HDC: variants seen among roughly 807,000 people sequenced by gnomAD.
HDC encodes histidine decarboxylase.
Under a neutral mutation model 64.4 loss-of-function variants are expected in HDC, and 27 were observed. The observed-to-expected ratio is 0.42, with a 90% CI of 0.31 to 0.58. The LOEUF (loss-of-function observed/expected upper bound fraction) is 0.58. Among genes scored for constraint, HDC ranks in the 20% least tolerant of loss-of-function variants. HDC has a pLI of 0.16. For missense variants in HDC, 711 were observed against 833.9 expected (o/e 0.85, Z 1.81); for synonymous variants, 305 against 314.2 (o/e 0.97, Z 0.31).
In HDC at chr15:50,257,396, G is replaced by C. The variant is rs201123509; in HGVS notation, c.441+29C>G. On this transcript the variant is annotated intron_variant, in intron 4 of 11. Coordinates refer to ENST00000267845, the MANE Select transcript of HDC (RefSeq NM_002112.4). The stretch of plus-strand genomic sequence containing the variant: ...TTGTCTTTCGCTACTTAGCCCCCAA[G>C]CTAGGTGAAGCTTTGCCAAGGGAGG... 2.7e-4 allele frequency: 437 copies of C among 1,614,042 alleles called. 1 individual carries two copies. Among genetic ancestry groups the C allele is most frequent in the Non-Finnish European group, 3.4e-4 (401 of 1,179,936 alleles).
rs1304079673 is a variant in HDC, at chr15:50,248,394, T to C, written c.1042-51A>G. The C allele has an allele frequency of 2.3e-6, 3 of 1,294,720 alleles. No individual in the cohort carries two copies. The highest frequency in any genetic ancestry group is 3.4e-6 in the Non-Finnish European group (3 of 893,634). 80.2% of individuals were successfully genotyped at this position (1,294,720 alleles called of 1,614,324 possible). On this transcript the variant is annotated intron_variant, in intron 9 of 11. Transcript: ENST00000267845. The surrounding 1 kb of genome is among the most constrained non-coding windows in gnomAD (Gnocchi z 4.3). ...AAGGTTAGAGACAAGGGTGCCCCAC[T>C]CCCTCGGGCATTTCTGGGCATTATC...
Position 50,257,420 on chromosome 15 carries a change from G to C in HDC, c.441+5C>G. ...AGCTAGGTGAAGCTTTGCCAAGGGA[G>C]GTACCTGCAGGACGCCTCCGCCCTG... is the stretch of plus-strand genomic sequence containing the variant. On this transcript the variant is annotated splice_donor_5th_base_variant and intron_variant, in intron 4 of 11. Transcript: ENST00000267845. The C allele has an allele frequency of 6.2e-7, 1 of 1,614,194 alleles. No homozygotes were observed. The highest frequency in any genetic ancestry group is 1.1e-5 in the South Asian group (1 of 91,082).
At chr15:50,255,758 C>T (rs1476684556) in intron 4 of HDC, among the ~76,000 whole-genome samples, 3 of 152,156 alleles carry the variant, frequency 2.0e-5, no homozygotes, top group Admixed American at 6.5e-5. Context: ...CATGATGGCT[C>T]CACTGCACTC....
Position 50,252,487 on chromosome 15 carries a change from GA to G in HDC, c.983del (p.Phe328SerfsTer3). The G allele has an allele frequency of 6.2e-7, 1 of 1,614,214 alleles. No individual in the cohort carries two copies. Among genetic ancestry groups the G allele is most frequent in the Non-Finnish European group, 8.5e-7 (1 of 1,180,036 alleles). ...GCCTGAGGTAGATGGGATTCACACT[GA>G]AGGTCTGCTGCAGCTTGTACTTGTC... ...VKDKYKLQQTFSVNPIYLRHA... is the reference protein window; with the variant it reads ...VKDKYKLQQTXSVNPIYLRHA... On this transcript the variant is annotated frameshift_variant, in exon 9 of 12. Transcript: ENST00000267845. LOFTEE classifies it high-confidence loss of function.
Position 50,265,686 on chromosome 15 carries a change from G to A in HDC, c.-63C>T, listed in dbSNP as rs1595714199. ...GCAGGAGGTGGAAGGCGTGAAAGGC[G>A]TGGAGCAGCCCGGCTTCCCTCTTGC... On this transcript the variant is annotated 5_prime_UTR_variant, in exon 1 of 12. In the 5' UTR this introduces an upstream ATG that the reference lacks. Transcript: ENST00000267845. 7 of 1,526,520 alleles carry A rather than the reference G, an allele frequency of 4.6e-6. No individual in the cohort carries two copies. The Admixed American group carries it at 5.0e-5, about 11-fold the overall frequency. 94.6% of individuals were successfully genotyped at this position (1,526,520 alleles called of 1,614,324 possible). A position where few individuals can be genotyped will look rare whatever the true frequency, so the allele number is the denominator to read the frequency against.
At chr15:50,258,888 C>T (rs556711853) in intron 2 of HDC, among the ~76,000 whole-genome samples, 8 of 152,260 alleles carry the variant, frequency 5.3e-5, no homozygotes, top group South Asian at 2.1e-4. Flanking sequence ...AGGCCGGGTG[C>T]GGTGGCTCAT....
In HDC at chr15:50,242,251, GC is replaced by G. The variant is rs2045402842; in HGVS notation, c.*8del. 1.2e-6 allele frequency: 2 copies of G among 1,611,106 alleles called. No homozygotes were observed. The highest frequency in any genetic ancestry group is 4.5e-5 in the East Asian group (2 of 44,868). On this transcript the variant is annotated 3_prime_UTR_variant, in exon 12 of 12. Transcript: ENST00000267845. The stretch of plus-strand genomic sequence containing the variant: ...GTATATCCTCAGACTCTGGCTGAAG[GC>G]CCTGTGTCTAAACCATGGCCTGCAG...
intron 9 of HDC, among the ~76,000 whole-genome samples, chr15:50,250,091 C>T (rs1237728856): frequency 6.6e-6 from 1 of 152,222 alleles, no homozygotes; most frequent in Non-Finnish European, 1.5e-5. Flanking sequence ...CAGTGAGAGG[C>T]AGAAAACAGG....
rs191191100 is a variant in HDC, at chr15:50,257,761, G to T, written c.319-214C>A. ...GGATTCATGCTGCCCTCAATGAGGCGAATTCTCCAAGGCTCTATGGAGAAA... is the reference window on the plus strand; with the variant it reads ...GGATTCATGCTGCCCTCAATGAGGCTAATTCTCCAAGGCTCTATGGAGAAA... On this transcript the variant is annotated intron_variant, in intron 3 of 11. Transcript: ENST00000267845. 1.4e-4 allele frequency among the ~76,000 whole-genome samples: 22 copies of T among 152,264 alleles called. No individual in the cohort carries two copies. In the East Asian group the frequency reaches 4.2e-3, roughly 29 times the overall value.
chr15:50,249,926 A>T (rs976928220), intron 9 of HDC, among the ~76,000 whole-genome samples: 3 of 152,174 alleles, frequency 2.0e-5, no homozygotes, highest in Non-Finnish European at 4.4e-5. Context: ...TCTAGCCAAC[A>T]TTTTCTGTTG....
At chr15:50,259,161 CA>C (rs879432227) in intron 2 of HDC, among the ~76,000 whole-genome samples, 92 of 140,602 alleles carry the variant, frequency 6.5e-4, no homozygotes, top group Admixed American at 7.1e-4. Flanking sequence ...GACTCCGTCT[CA>C]AAAAAAAAAA....
At chr15:50,253,000 T>C in intron 7 of HDC, 1 of 582,494 alleles carries the variant, frequency 1.7e-6, no homozygotes, top group Non-Finnish European at 3.1e-6. Flanking sequence ...CCCTTGCCTT[T>C]TTCTTCCACT....
rs554741071 is a variant in HDC, at chr15:50,254,114, A to G, written c.720+16T>C. The stretch of plus-strand genomic sequence containing the variant: ...AAGTTCTATCATTCTAAGCTTAGGC[A>G]TATATCCTGACTTACAAAGACGGGC... On this transcript the variant is annotated intron_variant, in intron 6 of 11. Transcript: ENST00000267845. 4.3e-6 allele frequency: 7 copies of G among 1,614,030 alleles called. No homozygotes were observed. The highest frequency in any genetic ancestry group is 2.2e-5 in the East Asian group (1 of 44,872).
chr15:50,243,645 C>T (rs938094345), intron 10 of HDC, among the ~76,000 whole-genome samples: 1 of 152,246 alleles, frequency 6.6e-6, no homozygotes, highest in Non-Finnish European at 1.5e-5. Flanking sequence ...ATGCGAGCTG[C>T]GTGTGCCTAA....
Position 50,242,118 on chromosome 15 carries a change from C to G in HDC, c.*142G>C. 1.3e-6 allele frequency: 1 copy of G among 767,946 alleles called. No homozygotes were observed. Among genetic ancestry groups the G allele is most frequent in the African/African-American group, 1.7e-5 (1 of 58,358 alleles). The allele number at this position is 767,946 out of a possible 1,614,324, so 47.6% of individuals were successfully genotyped here. On this transcript the variant is annotated 3_prime_UTR_variant, in exon 12 of 12. Coordinates refer to ENST00000267845, the MANE Select transcript of HDC (RefSeq NM_002112.4). The stretch of plus-strand genomic sequence containing the variant: ...TTGTATCCTATTGTGGGTCATGAAC[C>G]CCTATGAGAATTTGATTAAAATTAT...
chr15:50,242,285 C>G lies in HDC; in HGVS notation c.1964G>C (p.Cys655Ser), dbSNP rs1478470334. Residue 655 changes from cysteine (C) to serine (S), a missense_variant, in exon 12 of 12, where the codon TGT becomes TCT. Transcript: ENST00000267845. ...CTAAACCATGGCCTGCAGAGGGCAA[C>G]AGGGCAGCTGGAGTCCACATTGAGA... Reference protein sequence around the residue: ...CSSQCGLQLPCCPLQAMV With the variant: ...CSSQCGLQLPSCPLQAMV The G allele has an allele frequency of 1.4e-5, 22 of 1,614,176 alleles. No individual in the cohort carries two copies. Among genetic ancestry groups the G allele is most frequent in the Non-Finnish European group, 1.8e-5 (21 of 1,180,010 alleles).
intron 6 of HDC, 39 bp downstream of exon 6, chr15:50,254,091 G>A: frequency 6.2e-7 from 1 of 1,611,894 alleles, no homozygotes; most frequent in East Asian, 2.2e-5. Context: ...TCACATCCAA[G>A]TTCTATCATT....
At chr15:50,249,810 G>A (rs545285003) in intron 9 of HDC, among the ~76,000 whole-genome samples, 27 of 152,316 alleles carry the variant, frequency 1.8e-4, no homozygotes, top group Middle Eastern at 3.4e-3. Context: ...AACCAGGATA[G>A]GCAGAGGTGA....
At chr15:50,247,113 G>A (rs2045492589) in intron 10 of HDC, among the ~76,000 whole-genome samples, 1 of 152,146 alleles carries the variant, frequency 6.6e-6, no homozygotes, top group Admixed American at 6.5e-5. Context: ...CAGGGAATGG[G>A]GGATAAAGAG....
Sources: allele counts gnomAD v4.1 joint callset (sites outside exome capture counted in the v4.1 genomes callset), GRCh38; gene constraint gnomAD v4.1.1; non-coding constraint Gnocchi (gnomAD v3.1); transcripts MANE v1.5; gene names NCBI Gene and HGNC (gene_info 2026-07-23, HGNC 2026-07-21).